Variants in RBPJ observed in about 807,000 individuals in gnomAD.
RBPJ encodes recombination signal binding protein for immunoglobulin kappa J region.
In RBPJ, 9 loss-of-function variants were observed where a neutral mutation model predicts 67.8. That is an observed-to-expected ratio of 0.13 (90% CI 0.08 to 0.23). The LOEUF (loss-of-function observed/expected upper bound fraction) is 0.23, where lower values mean the gene tolerates loss of function less well. Among genes scored for constraint, RBPJ ranks in the 10% least tolerant of loss-of-function variants. The pLI is 1.00. For missense variants in RBPJ, 305 were observed against 595.6 expected (o/e 0.51, Z 5.08); for synonymous variants, 198 against 203.3 (o/e 0.97, Z 0.22).
In RBPJ at chr4:26,368,980, C is replaced by G. The variant is rs143666483; in HGVS notation, c.21-17373C>G. Among the ~76,000 whole-genome samples the G allele has an allele frequency of 8.5e-4, 129 of 152,268 alleles. 2 individuals carry two copies. The highest frequency in any genetic ancestry group is 2.9e-3 in the African/African-American group (121 of 41,554). On this transcript the variant is annotated intron_variant, in intron 1 of 10. Transcript: ENST00000355476. ...CAATTTTCAATCCTTGGTCTACTTT[C>G]CAAATCTGTTCTTTCCCCTACCCTC...
At chr4:26,196,693 G>A (rs987504393) in intron 1 of RBPJ, among the ~76,000 whole-genome samples, 4 of 152,110 alleles carry the variant, frequency 2.6e-5, no homozygotes, top group African/African-American at 9.7e-5. Flanking sequence ...ATACATAAAA[G>A]TACAAAATCA....
intron 1 of RBPJ, among the ~76,000 whole-genome samples, chr4:26,309,862 A>G (rs1722367267): frequency 6.6e-6 from 1 of 152,212 alleles, no homozygotes; most frequent in South Asian, 2.1e-4. Flanking sequence ...AAATCTATCA[A>G]TCACACATGG....
intron 1 of RBPJ, among the ~76,000 whole-genome samples, chr4:26,300,565 C>A (rs554806390): frequency 1.3e-5 from 2 of 152,330 alleles, no homozygotes; most frequent in East Asian, 3.9e-4. Context: ...ATTCAGAGGG[C>A]GGCTGACCTG....
intron 1 of RBPJ, among the ~76,000 whole-genome samples, chr4:26,273,960 T>G (rs1721001494): frequency 6.6e-6 from 1 of 152,150 alleles, no homozygotes; most frequent in Non-Finnish European, 1.5e-5. Context: ...GGAAAAAAAG[T>G]TTGTTCTTCT....
chr4:26,430,645 A>G lies in RBPJ; in HGVS notation c.1149-47A>G. The G allele has an allele frequency of 2.5e-6, 4 of 1,588,334 alleles. No homozygotes were observed. The highest frequency in any genetic ancestry group is 3.4e-6 in the Non-Finnish European group (4 of 1,161,404). On this transcript the variant is annotated intron_variant, in intron 10 of 10. Coordinates refer to ENST00000355476, the MANE Select transcript of RBPJ (RefSeq NM_015874.6). The surrounding 1 kb of genome is among the most constrained non-coding windows in gnomAD (Gnocchi z 4.1). ...GTGTTAAGTCTCATTTTTAACATGT[A>G]CTTTGCTTTTTAAAGTGTTTTTAAG...
chr4:26,320,999 G>A, upstream of RBPJ: 1 of 1,613,798 alleles, frequency 6.2e-7, no homozygotes, highest in Non-Finnish European at 8.5e-7. Context: ...ATCTCGCGAG[G>A]GTTGGAGTTT....
At chr4:26,153,933 G>C in the RBPJ span, among the ~76,000 whole-genome samples, 1 of 152,070 alleles carries the variant, frequency 6.6e-6, no homozygotes. Context: ...CGGTGACAGA[G>C]TGAGACTCCC....
intron 1 of RBPJ, among the ~76,000 whole-genome samples, chr4:26,347,135 T>G (rs1726243127): frequency 6.6e-6 from 1 of 152,162 alleles, no homozygotes; most frequent in African/African-American, 2.4e-5. Flanking sequence ...AGAGTTGAGT[T>G]AGTTTGGGGA....
intron 1 of RBPJ, among the ~76,000 whole-genome samples, chr4:26,231,612 A>G (rs959854403): frequency 2.0e-5 from 3 of 151,746 alleles, no homozygotes; most frequent in South Asian, 2.1e-4. Flanking sequence ...GGGTTTCACC[A>G]TGTTGGCCAG....
At chr4:26,394,127 C>T (rs948952982) in intron 2 of RBPJ, among the ~76,000 whole-genome samples, 3 of 151,334 alleles carry the variant, frequency 2.0e-5, no homozygotes, top group Non-Finnish European at 2.9e-5. Flanking sequence ...CCCGGGTTCG[C>T]GCCATTCTCC....
chr4:26,142,402 C>A, the RBPJ span, among the ~76,000 whole-genome samples: 284 of 152,314 alleles, frequency 1.9e-3, 1 homozygote, highest in Admixed American at 3.7e-3. Context: ...CAGTGGGATG[C>A]AGTTGAGCTC....
the RBPJ span, among the ~76,000 whole-genome samples, chr4:26,141,887 C>A: frequency 6.6e-6 from 1 of 152,190 alleles, no homozygotes; most frequent in Admixed American, 6.5e-5. Context: ...GCCCCTTCCC[C>A]CAAAAGAAGC....
Position 26,203,961 on chromosome 4 carries a change from A to T in RBPJ, c.-167+40347A>T, listed in dbSNP as rs953777328. 3.3e-5 allele frequency among the ~76,000 whole-genome samples: 5 copies of T among 152,146 alleles called. 1 individual carries two copies. The highest frequency in any genetic ancestry group is 1.2e-4 in the African/African-American group (5 of 41,440). On this transcript the variant is annotated intron_variant, in intron 1 of 4. Transcript: ENST00000512351. ...GGCCTTAAAATGAAGCCAGATGATC[A>T]AGTGACCAGGGTCTCACTCTCCCAC... is the stretch of plus-strand genomic sequence containing the variant.
At chr4:26,337,444 G>A (rs1345924493) in intron 1 of RBPJ, among the ~76,000 whole-genome samples, 3 of 151,698 alleles carry the variant, frequency 2.0e-5, no homozygotes, top group Non-Finnish European at 4.4e-5. Context: ...TGCTTGGGTG[G>A]TTAAACAGTA....
chr4:26,255,321 G>A (rs1457597574), intron 1 of RBPJ, among the ~76,000 whole-genome samples: 5 of 124,172 alleles, frequency 4.0e-5, no homozygotes, highest in Non-Finnish European at 6.4e-5. Context: ...GGAGAATGGC[G>A]TGAACCCAGG....
chr4:26,368,413 T>C (rs1330506767), intron 1 of RBPJ, among the ~76,000 whole-genome samples: 1 of 152,212 alleles, frequency 6.6e-6, no homozygotes, highest in Non-Finnish European at 1.5e-5. Flanking sequence ...CCTTAAGTTA[T>C]GTTTACTCAC....
At chr4:26,117,965 A>G in the RBPJ span, among the ~76,000 whole-genome samples, 16 of 151,796 alleles carry the variant, frequency 1.1e-4, no homozygotes, top group Non-Finnish European at 1.9e-4. Flanking sequence ...ATATTTGTGT[A>G]TATATATATA....
intron 1 of RBPJ, among the ~76,000 whole-genome samples, chr4:26,191,530 T>C (rs1034978158): frequency 6.6e-6 from 1 of 152,024 alleles, no homozygotes; most frequent in Non-Finnish European, 1.5e-5. Context: ...AATAATTTAT[T>C]ACAGTGAAAG....
intron 1 of RBPJ, among the ~76,000 whole-genome samples, chr4:26,281,318 G>T (rs1721266277): frequency 6.6e-6 from 1 of 151,958 alleles, no homozygotes; most frequent in African/African-American, 2.4e-5. Flanking sequence ...CGCTCTTGTT[G>T]CCCAGGCTGG....
Sources: allele counts gnomAD v4.1 joint callset (sites outside exome capture counted in the v4.1 genomes callset), GRCh38; gene constraint gnomAD v4.1.1; non-coding constraint Gnocchi (gnomAD v3.1); transcripts MANE v1.5; gene names NCBI Gene and HGNC (gene_info 2026-07-23, HGNC 2026-07-21).